MADD: variants seen among roughly 807,000 people sequenced by gnomAD.
The protein encoded by MADD is MAP kinase activating death domain.
In MADD, 109 loss-of-function variants were observed where a neutral mutation model predicts 176.7. The observed-to-expected ratio is 0.62, with a 90% CI of 0.53 to 0.72. MADD has a LOEUF of 0.72. Ranked by LOEUF, MADD falls within the 30% of genes least tolerant of loss-of-function variation. The pLI is 0.00. For missense variants in MADD, 1,914 were observed against 2,045.5 expected, an observed-to-expected ratio of 0.94 and a Z score of 1.24; for synonymous variants, 771 against 771.3, an observed-to-expected ratio of 1.00 and a Z score of 0.01.
At chr11:47,279,994 C>T (rs770665398) in intron 7 of MADD, among the ~76,000 whole-genome samples, 1 of 152,112 alleles carries the variant, frequency 6.6e-6, no homozygotes, top group Non-Finnish European at 1.5e-5. Context: ...CACTTGAACC[C>T]AGGAGGCAGA....
At chr11:47,307,754 C>T (rs954516186) in intron 22 of MADD, among the ~76,000 whole-genome samples, 2 of 152,034 alleles carry the variant, frequency 1.3e-5, no homozygotes, top group Non-Finnish European at 2.9e-5. Context: ...CTGCAACCTC[C>T]GCCTCCAGGG....
rs957880154 is a variant in MADD, at chr11:47,324,907, T to C, written c.4542+330T>C. The C allele has an allele frequency of 1.2e-5, 7 of 602,442 alleles. No individual in the cohort carries two copies. In the African/African-American group the frequency reaches 1.3e-4, roughly 11 times the overall value. 37.3% of individuals were successfully genotyped at this position (602,442 alleles called of 1,614,324 possible). On this transcript the variant is annotated intron_variant, in intron 30 of 32. Coordinates refer to ENST00000402192, the Ensembl canonical transcript of MADD. The stretch of plus-strand genomic sequence containing the variant: ...TTCCCCTGCAGTGTCTCTGCCTTCC[T>C]CTATTCCCAGGATATGCTTCTGCTT...
chr11:47,278,400 G>A, intron 6 of MADD, 122 bp downstream of exon 6: 1 of 728,144 alleles, frequency 1.4e-6, no homozygotes, highest in Non-Finnish European at 2.3e-6. Flanking sequence ...AATTTCTATT[G>A]CGAGACTTAC....
At chr11:47,308,746 C>T (rs760706040) in intron 23 of MADD, 47 bp downstream of exon 25, 11 of 1,489,520 alleles carry the variant, frequency 7.4e-6, no homozygotes, top group Non-Finnish European at 8.4e-6. Flanking sequence ...AAAGCTGACT[C>T]AGCCAGGGGA....
chr11:47,289,156 G>A, intron 15 of MADD, 129 bp downstream of exon 16: 1 of 1,001,174 alleles, frequency 1.0e-6, no homozygotes, highest in South Asian at 1.6e-5. Flanking sequence ...CGTCCCCCGT[G>A]ACGCCCATGC....
intron 1 of MADD, among the ~76,000 whole-genome samples, chr11:47,270,506 G>A (rs1960010900): frequency 6.7e-6 from 1 of 149,358 alleles, no homozygotes; most frequent in Admixed American, 6.6e-5. Flanking sequence ...TCGGGGCGGG[G>A]GCGGGGGCGG....
chr11:47,320,083 C>G (rs770115364), intron 27 of MADD, among the ~76,000 whole-genome samples: 3 of 56,680 alleles, frequency 5.3e-5, no homozygotes, highest in Non-Finnish European at 7.3e-5. Flanking sequence ...TTTTTTTTTT[C>G]TTTAATGGAT....
intron 22 of MADD, among the ~76,000 whole-genome samples, chr11:47,306,398 T>C (rs2082652592): frequency 6.6e-6 from 1 of 152,178 alleles, no homozygotes; most frequent in African/African-American, 2.4e-5. Context: ...CATAGCACAG[T>C]AGCTGCACAG....
intron 19 of MADD, 46 bp downstream of exon 20, chr11:47,290,862 A>G: frequency 1.4e-6 from 2 of 1,453,568 alleles, no homozygotes; most frequent in Non-Finnish European, 1.9e-6. Context: ...CTGGCTTCTT[A>G]AATATCCCTT....
intron 27 of MADD, among the ~76,000 whole-genome samples, chr11:47,317,790 A>G (rs11039177): frequency 0.034 from 5,044 of 146,268 alleles, 121 homozygotes; most frequent in South Asian, 0.12. Context: ...TTTTTTTTTG[A>G]GACAGAGTCT....
exon 17 of MADD, chr11:47,289,990 G>C (rs758964627): frequency 6.2e-7 from 1 of 1,614,178 alleles, no homozygotes; most frequent in Non-Finnish European, 8.5e-7. Flanking sequence ...TCTTTGTCCT[G>C]AGCAAGCTGA....
rs753084402 is a variant in MADD at position 47,292,518 on chromosome 11, C to A, written c.3302-1365C>A. 21 of 1,611,562 alleles carry A rather than the reference C, an allele frequency of 1.3e-5. No homozygotes were observed. The Middle Eastern group carries it at 8.2e-4, about 63-fold the overall frequency. On this transcript the variant is annotated intron_variant, in intron 19 of 32. Coordinates refer to ENST00000402192, the Ensembl canonical transcript of MADD. ...AGCCTCTGACTTTCTGTCTTTCTCT[C>A]CTGCTTGCATTGCATCTGGGGTAGA...
rs2085527003 is a variant in MADD, at chr11:47,308,936, T to C, written c.3751+237T>C. On this transcript the variant is annotated intron_variant, in intron 23 of 32. Transcript: ENST00000402192. Reference sequence around the variant, plus strand: ...CCTTTGCCTTTCTGTCTTCCTTTCTTTCCTTTCTTGCTACCATGGTCCTTC... The same window carrying C: ...CCTTTGCCTTTCTGTCTTCCTTTCTCTCCTTTCTTGCTACCATGGTCCTTC... 5 of 1,575,372 alleles carry C rather than the reference T, an allele frequency of 3.2e-6. No homozygotes were observed. In the East Asian group the frequency reaches 9.0e-5, roughly 28 times the overall value.
intron 30 of MADD, chr11:47,324,804 CA>C (rs2095213995): frequency 5.9e-6 from 4 of 678,412 alleles, no homozygotes; most frequent in Middle Eastern, 2.5e-4. Flanking sequence ...GGAGGCTGGG[CA>C]GGAGCGAGGC....
intron 22 of MADD, among the ~76,000 whole-genome samples, chr11:47,297,626 T>G (rs1401479636): frequency 6.6e-6 from 1 of 151,226 alleles, no homozygotes; most frequent in East Asian, 2.0e-4. Context: ...TTTTGTATTT[T>G]TAGTGGAGAT....
rs764027861 is a variant in MADD, at chr11:47,284,406, G to A, written c.1998G>A (p.Gly666=). Residue 666 remains glycine, a synonymous_variant, in exon 12 of 33, where the codon GGG becomes GGA. Transcript: ENST00000402192. Reference sequence around the variant, plus strand: ...ACCCTCTGACACATGCAGCACTGGGGGATGCCAGCGAGGTGGAGATTGACG... The same window carrying A: ...ACCCTCTGACACATGCAGCACTGGGAGATGCCAGCGAGGTGGAGATTGACG... 3 of 1,614,054 alleles carry A rather than the reference G, an allele frequency of 1.9e-6. No individual in the cohort carries two copies. In the African/African-American group the frequency reaches 4.0e-5, roughly 22 times the overall value.
chr11:47,300,064 C>A (rs1260539421), intron 22 of MADD, among the ~76,000 whole-genome samples: 1 of 152,144 alleles, frequency 6.6e-6, no homozygotes, highest in African/African-American at 2.4e-5. Context: ...CGCTCTGTAC[C>A]TAACTTGTTG....
intron 27 of MADD, among the ~76,000 whole-genome samples, chr11:47,319,968 G>T (rs1437957899): frequency 6.9e-6 from 1 of 144,626 alleles, no homozygotes; most frequent in Non-Finnish European, 1.5e-5. Context: ...TCCAGCCTGG[G>T]TGACAAAGCG....
intron 31 of MADD, chr11:47,328,410 C>A: frequency 7.1e-7 from 1 of 1,415,490 alleles, no homozygotes. Flanking sequence ...TCACGGCCAT[C>A]AAGTAAACGC....
Sources: allele counts gnomAD v4.1 joint callset (sites outside exome capture counted in the v4.1 genomes callset), GRCh38; gene constraint gnomAD v4.1.1; transcripts MANE v1.5; gene names NCBI Gene and HGNC (gene_info 2026-07-23, HGNC 2026-07-21).